RAB9B: variants seen among roughly 807,000 people sequenced by gnomAD.
The protein encoded by RAB9B is ras-related protein Rab-9B.
A neutral mutation model predicts 8.9 loss-of-function variants in RAB9B; 1 was observed. The observed-to-expected ratio is 0.11, with a 90% confidence interval of 0.04 to 0.53. The LOEUF (loss-of-function observed/expected upper bound fraction) is 0.53, where lower values mean the gene tolerates loss of function less well. Among genes scored for constraint, RAB9B ranks in the 20% least tolerant of loss-of-function variants. The pLI is 0.93. For missense variants in RAB9B, 82 were observed against 152.9 expected, an observed-to-expected ratio of 0.54 and a Z score of 2.45; for synonymous variants, 63 against 57.0, an observed-to-expected ratio of 1.10 and a Z score of -0.47.
the RAB9B span, among the ~76,000 whole-genome samples, chrX:103,813,781 G>C: frequency 1.0e-5 from 1 of 95,480 alleles, no homozygotes; most frequent in Admixed American, 1.2e-4. Flanking sequence ...AGCAGGAGTG[G>C]CAATCCTGGT....
chrX:103,786,817 C>T, the RAB9B span: 2 of 954,203 alleles, frequency 2.1e-6, no homozygotes, highest in Non-Finnish European at 3.0e-6. Flanking sequence ...AGGCTGGGTC[C>T]TCTCTAGGGG....
chrX:103,814,627 A>C, the RAB9B span, among the ~76,000 whole-genome samples: 2 of 111,518 alleles, frequency 1.8e-5, no homozygotes, highest in African/African-American at 3.3e-5. Context: ...AAAAACCCTT[A>C]AAAAAATCAA....
At chrX:103,783,306 T>G in the RAB9B span, among the ~76,000 whole-genome samples, 1 of 112,690 alleles carries the variant, frequency 8.9e-6, no homozygotes, top group Non-Finnish European at 1.9e-5. Context: ...GTTTGCAAAG[T>G]TCATGCTGAG....
the RAB9B span, chrX:103,788,549 T>A: frequency 2.0e-6 from 2 of 987,907 alleles, no homozygotes; most frequent in Non-Finnish European, 2.9e-6. Context: ...AGGGAGTAGC[T>A]AATACCATAC....
chrX:103,820,525 G>A (rs1266656463), downstream of RAB9B, among the ~76,000 whole-genome samples: 1 of 111,935 alleles, frequency 8.9e-6, no homozygotes, highest in Non-Finnish European at 1.9e-5. Flanking sequence ...GTTTCTGGAA[G>A]GACTATCGCC....
chrX:103,811,857 C>A, the RAB9B span, among the ~76,000 whole-genome samples: 1 of 110,716 alleles, frequency 9.0e-6, no homozygotes, highest in African/African-American at 3.3e-5. Flanking sequence ...TGGGAAAGAG[C>A]CTTCAAGATC....
downstream of RAB9B, among the ~76,000 whole-genome samples, chrX:103,821,515 A>C (rs1324949694): frequency 8.9e-6 from 1 of 111,954 alleles, no homozygotes; most frequent in South Asian, 3.7e-4. Flanking sequence ...ATTTGTGTCC[A>C]TAATTTTAAA....
At chrX:103,819,655 A>T (rs2074652243), downstream of RAB9B, among the ~76,000 whole-genome samples, 1 of 111,922 alleles carries the variant, frequency 8.9e-6, no homozygotes. Flanking sequence ...CAGTTTTGGC[A>T]AGCATATCAG....
rs776100031 is a variant in RAB9B, at chrX:103,832,151, A to G, written c.-208T>C. 11 of 111,809 alleles carry G rather than the reference A, an allele frequency of 9.8e-5. No individual in the cohort carries two copies. Among genetic ancestry groups the G allele is most frequent in the African/African-American group, 3.6e-4 (11 of 30,853 alleles). The allele number at this position is 111,809 out of a possible 1,213,427, so 9.2% of individuals were successfully genotyped here. On this transcript the variant is annotated 5_prime_UTR_variant, in exon 1 of 3. Coordinates refer to ENST00000243298, the MANE Select transcript of RAB9B (RefSeq NM_016370.4). ...AATCCGGCTCCTTAGAGTCACCGTC[A>G]CTGCTCCTGCTGCCTCCTCGTCCTC...
chrX:103,791,772 A>G, the RAB9B span: 1 of 112,933 alleles, frequency 8.9e-6, no homozygotes, highest in Non-Finnish European at 1.9e-5. Flanking sequence ...ATTGGACATT[A>G]AGCATCACAA....
chrX:103,783,933 G>GTATATATATATATATTTA, the RAB9B span, among the ~76,000 whole-genome samples: 2 of 110,533 alleles, frequency 1.8e-5, no homozygotes, highest in Non-Finnish European at 3.8e-5. Context: ...AAATCAGTGG[G>GTATATATATATATATTTA]TATATATACA....
At chrX:103,821,005 CACACACACAA>C, downstream of RAB9B, among the ~76,000 whole-genome samples, 1 of 88,924 alleles carries the variant, frequency 1.1e-5, no homozygotes, top group South Asian at 5.0e-4. Context: ...CACACACACA[CACACACACAA>C]AGTTAGCTGG....
At chrX:103,787,685 CCCTGGAA>C in the RAB9B span, 11 of 635,889 alleles carry the variant, frequency 1.7e-5, no homozygotes, top group South Asian at 2.4e-4. Context: ...TGAAGGAGAG[CCCTGGAA>C]CCTGGTTTTA....
the RAB9B span, chrX:103,776,874 A>G: frequency 2.9e-6 from 2 of 680,677 alleles, no homozygotes; most frequent in Non-Finnish European, 4.7e-6. Flanking sequence ...AAAGATACTC[A>G]GAGAGAAAAA....
At chrX:103,812,937 T>A in the RAB9B span, among the ~76,000 whole-genome samples, 18 of 109,426 alleles carry the variant, frequency 1.6e-4, no homozygotes, top group East Asian at 2.8e-4. Context: ...TTTTTTTTTT[T>A]AATTTTTAAA....
the RAB9B span, among the ~76,000 whole-genome samples, chrX:103,811,640 C>T: frequency 9.0e-6 from 1 of 111,188 alleles, no homozygotes; most frequent in East Asian, 2.8e-4. Context: ...AGCTTTCCAA[C>T]TCAATTTAGT....
At chrX:103,821,869 C>G (rs1304066896), downstream of RAB9B, among the ~76,000 whole-genome samples, 3 of 110,718 alleles carry the variant, frequency 2.7e-5, no homozygotes, top group South Asian at 3.8e-4. Context: ...TTTTAGTGTA[C>G]CCATCACCAG....
chrX:103,790,571 A>G, the RAB9B span: 1 of 1,208,222 alleles, frequency 8.3e-7, no homozygotes, highest in Admixed American at 2.2e-5. Flanking sequence ...CCGTCCTTAA[A>G]CTCATGGGCC....
chrX:103,789,228 C>A, the RAB9B span: 1 of 657,383 alleles, frequency 1.5e-6, no homozygotes, highest in Non-Finnish European at 2.6e-6. Context: ...GGAATTAGCA[C>A]ACAAGAAAGA....
Sources: allele counts gnomAD v4.1 joint callset (sites outside exome capture counted in the v4.1 genomes callset), GRCh38; gene constraint gnomAD v4.1.1; transcripts MANE v1.5; gene names NCBI Gene and HGNC (gene_info 2026-07-23, HGNC 2026-07-21).